Variants in SLMAP observed in about 807,000 individuals in gnomAD.
SLMAP encodes sarcolemmal membrane-associated protein.
In SLMAP, 44 loss-of-function variants were observed where a neutral mutation model predicts 128.8. The ratio of observed to expected loss-of-function variants is 0.34; its 90% CI spans 0.27 to 0.44. The LOEUF is 0.44. Among genes scored for constraint, SLMAP ranks in the 20% least tolerant of loss-of-function variants. The pLI is 1.00. For missense variants in SLMAP, 787 were observed against 985.3 expected, an observed-to-expected ratio of 0.80 and a Z score of 2.69; for synonymous variants, 327 against 348.8, an observed-to-expected ratio of 0.94 and a Z score of 0.70.
At chr3:57,882,200 A>G (rs1056098187) in intron 14 of SLMAP, among the ~76,000 whole-genome samples, 1 of 152,232 alleles carries the variant, frequency 6.6e-6, no homozygotes, top group African/African-American at 2.4e-5. Context: ...TTAAACATGT[A>G]TGTACCAGGC....
Position 57,912,386 on chromosome 3 carries a change from T to C in SLMAP, c.1705T>C (p.Leu569=). The C allele has an allele frequency of 3.7e-6, 6 of 1,606,134 alleles. No homozygotes were observed. The highest frequency in any genetic ancestry group is 2.2e-5 in the East Asian group (1 of 44,642). The change falls in exon 20 of 25, where the codon TTG becomes CTG. Residue 569 remains leucine (L), a synonymous_variant. Transcript: ENST00000671191. The part of the protein sequence containing the change: ...TKQIQVLQAQ[L]QRLHIDTENL... Reference sequence around the variant, plus strand: ...TGATGGATATACTTTTGCAGCCCAATTGCAGAGGTTACACATCGATACTGA... The same window carrying C: ...TGATGGATATACTTTTGCAGCCCAACTGCAGAGGTTACACATCGATACTGA...
intron 14 of SLMAP, among the ~76,000 whole-genome samples, chr3:57,878,318 A>G (rs141868408): frequency 9.8e-5 from 15 of 152,286 alleles, no homozygotes; most frequent in East Asian, 7.7e-4. Context: ...ATGAGGTTCT[A>G]TGTCTCTATT....
chr3:57,805,016 T>C (rs964475590), intron 2 of SLMAP, among the ~76,000 whole-genome samples: 2 of 152,234 alleles, frequency 1.3e-5, no homozygotes, highest in East Asian at 3.8e-4. Flanking sequence ...TGACTTTTTT[T>C]AATCTCTTGT....
At chr3:57,852,747 C>T (rs150820137) in intron 6 of SLMAP, among the ~76,000 whole-genome samples, 11 of 152,318 alleles carry the variant, frequency 7.2e-5, no homozygotes, top group African/African-American at 2.4e-4. Context: ...TTTGCCCAGG[C>T]ATGTATACTA....
chr3:57,859,730 G>A (rs926164235), intron 8 of SLMAP, among the ~76,000 whole-genome samples: 2 of 152,006 alleles, frequency 1.3e-5, no homozygotes, highest in African/African-American at 4.8e-5. Context: ...AGAGGGGAGT[G>A]AGGGATGAAA....
At chr3:57,849,288 C>A (rs567809469) in intron 5 of SLMAP, among the ~76,000 whole-genome samples, 32 of 152,240 alleles carry the variant, frequency 2.1e-4, no homozygotes, top group African/African-American at 7.7e-4. Flanking sequence ...CTCTTGAGTT[C>A]TAAATAGTTT....
intron 2 of SLMAP, among the ~76,000 whole-genome samples, chr3:57,787,337 A>G (rs1343427446): frequency 3.3e-5 from 5 of 152,132 alleles, no homozygotes; most frequent in Non-Finnish European, 7.4e-5. Flanking sequence ...TATGTTACCC[A>G]TTAATCGATT....
At chr3:57,843,329 T>TTTC (rs1553866965) in intron 4 of SLMAP, among the ~76,000 whole-genome samples, 1 of 129,014 alleles carries the variant, frequency 7.8e-6, no homozygotes, top group African/African-American at 2.7e-5. Context: ...TTTTTTTTTT[T>TTTC]CTTTGACAGC....
intron 6 of SLMAP, among the ~76,000 whole-genome samples, chr3:57,850,045 G>A (rs554989530): frequency 6.6e-5 from 10 of 152,090 alleles, no homozygotes; most frequent in South Asian, 2.1e-4. Flanking sequence ...GTGTGATGGC[G>A]TGCATCTGTA....
At chr3:57,793,157 A>T (rs1397719044) in intron 2 of SLMAP, among the ~76,000 whole-genome samples, 2 of 151,914 alleles carry the variant, frequency 1.3e-5, no homozygotes, top group Non-Finnish European at 2.9e-5. Flanking sequence ...AATCCTCTTG[A>T]GCTCAAGTGA....
intron 17 of SLMAP, chr3:57,897,685 C>T (rs1045509746): frequency 1.3e-4 from 20 of 151,090 alleles, no homozygotes; most frequent in African/African-American, 4.9e-4. Flanking sequence ...AAGAGCAAAA[C>T]TCCATCTCAA....
At position 57,896,184 on chromosome 3, in the gene SLMAP, T is replaced by G. The variant is rs2096241696; in HGVS notation, c.1361-327T>G. 4.0e-6 allele frequency: 4 copies of G among 1,005,608 alleles called. No individual in the cohort carries two copies. The Admixed American group carries it at 1.7e-4, about 42-fold the overall frequency. 62.3% of individuals were successfully genotyped at this position (1,005,608 alleles called of 1,614,324 possible). ...ACAGTGTCTGCATTGTCCTGGGAAT[T>G]GTACTATATTTGTTGCAGTTCTTTG... On this transcript the variant is annotated intron_variant, in intron 15 of 24. Transcript: ENST00000671191.
intron 2 of SLMAP, among the ~76,000 whole-genome samples, chr3:57,818,317 A>G (rs1299793614): frequency 6.6e-6 from 1 of 152,062 alleles, no homozygotes; most frequent in Non-Finnish European, 1.5e-5. Flanking sequence ...CACCACACCC[A>G]GCTAATTTTG....
intron 19 of SLMAP, among the ~76,000 whole-genome samples, chr3:57,910,590 A>G (rs1241815976): frequency 6.6e-6 from 1 of 152,150 alleles, no homozygotes; most frequent in African/African-American, 2.4e-5. Flanking sequence ...TGTCTGGGCT[A>G]TTACAGGGTT....
chr3:57,834,941 G>A (rs1018578648), intron 3 of SLMAP, among the ~76,000 whole-genome samples: 4 of 151,832 alleles, frequency 2.6e-5, no homozygotes, highest in African/African-American at 9.7e-5. Flanking sequence ...GGGCAACATG[G>A]TGAAACCCCA....
chr3:57,868,289 C>G (rs201920467), intron 13 of SLMAP, among the ~76,000 whole-genome samples: 1 of 151,744 alleles, frequency 6.6e-6, no homozygotes, highest in African/African-American at 2.4e-5. Context: ...TAATGAGAGC[C>G]ACATACATAA....
At position 57,763,307 on chromosome 3, in the gene SLMAP, C is replaced by T. The variant is rs138054889; in HGVS notation, c.198+5458C>T. On this transcript the variant is annotated intron_variant, in intron 2 of 24. Transcript: ENST00000671191. Reference sequence around the variant, plus strand: ...TTTTTTTTTTTGAGATGGAGTCTCGCTCTGTCACTCAGGCTGGAGTGCAAT... The same window carrying T: ...TTTTTTTTTTTGAGATGGAGTCTCGTTCTGTCACTCAGGCTGGAGTGCAAT... Among the ~76,000 whole-genome samples, 239 of 149,886 alleles carry T rather than the reference C, an allele frequency of 1.6e-3. 1 individual carries two copies. Among genetic ancestry groups the T allele is most frequent in the African/African-American group, 5.5e-3 (224 of 40,654 alleles).
At chr3:57,866,893 T>A (rs564276767) in intron 13 of SLMAP, among the ~76,000 whole-genome samples, 6 of 150,448 alleles carry the variant, frequency 4.0e-5, no homozygotes, top group Admixed American at 6.6e-5. Context: ...AAAAATCATG[T>A]CCGGGGCAGT....
chr3:57,923,157 A>G (rs968623954), intron 23 of SLMAP, 134 bp downstream of exon 23: 11 of 845,962 alleles, frequency 1.3e-5, no homozygotes, highest in East Asian at 1.0e-4. Flanking sequence ...ATGAAATTCC[A>G]TGATAGAATC....
Sources: gnomAD v4.1 joint callset for allele counts (sites outside exome capture counted in the v4.1 genomes callset) on GRCh38, gnomAD v4.1.1 for gene constraint, MANE v1.5 for transcripts, NCBI Gene and HGNC (gene_info 2026-07-23, HGNC 2026-07-21) for gene names.